Variants in ADD3 observed in about 807,000 individuals in gnomAD.
The protein encoded by ADD3 is adducin 3.
Under a neutral mutation model 80.2 loss-of-function variants are expected in ADD3, and 25 were observed. The ratio of observed to expected loss-of-function variants is 0.31; its 90% CI spans 0.23 to 0.44. The LOEUF is 0.44. Among genes scored for constraint, ADD3 ranks in the 20% least tolerant of loss-of-function variants. The probability of loss-of-function intolerance (pLI) is 1.00; values close to 1 mark genes in which losing one functional copy is unlikely to be tolerated. For synonymous variants in ADD3, 284 were observed against 289.6 expected, an observed-to-expected ratio of 0.98 and a Z score of 0.20; for missense variants, 829 against 847.5, an observed-to-expected ratio of 0.98 and a Z score of 0.27.
At chr10:110,090,357 C>T (rs1191993383) in intron 1 of ADD3, among the ~76,000 whole-genome samples, 1 of 151,728 alleles carries the variant, frequency 6.6e-6, no homozygotes, top group African/African-American at 2.4e-5. Flanking sequence ...GTAGCTAGGA[C>T]TATAGGCATG....
At chr10:110,087,525 A>T (rs1846937683) in intron 1 of ADD3, among the ~76,000 whole-genome samples, 2 of 152,174 alleles carry the variant, frequency 1.3e-5, no homozygotes, top group Admixed American at 6.5e-5. Flanking sequence ...CTGATGTGAC[A>T]AGAATGTTCA....
chr10:110,080,283 A>G (rs1845924065), intron 1 of ADD3, among the ~76,000 whole-genome samples: 1 of 152,156 alleles, frequency 6.6e-6, no homozygotes, highest in African/African-American at 2.4e-5. Context: ...ACCATCTATA[A>G]AATAAGAGAT....
At chr10:110,102,879 G>A (rs1848985563) in intron 2 of ADD3, among the ~76,000 whole-genome samples, 1 of 152,106 alleles carries the variant, frequency 6.6e-6, no homozygotes, top group South Asian at 2.1e-4. Flanking sequence ...TTTGTATTTA[G>A]TATTTCTATT....
At chr10:110,115,400 A>T (rs1196432637) in intron 3 of ADD3, among the ~76,000 whole-genome samples, 1 of 151,786 alleles carries the variant, frequency 6.6e-6, no homozygotes, top group East Asian at 1.9e-4. Context: ...AAAAAAAAAC[A>T]AAACAAGCAG....
chr10:110,133,620 TAA>T lies in ADD3; in HGVS notation c.*4_*5del, dbSNP rs1853349860. The T allele has an allele frequency of 6.4e-7, 1 of 1,562,090 alleles. No individual in the cohort carries two copies. The highest frequency in any genetic ancestry group is 1.4e-5 in the African/African-American group (1 of 72,522). On this transcript the variant is annotated 3_prime_UTR_variant, in exon 15 of 15. Transcript: ENST00000356080. ...AAAAAGGAGAAAGTTGAGGCCTAAA[TAA>T]AGTCTTTTTATAATTATTATTATAA... is the stretch of plus-strand genomic sequence containing the variant.
At chr10:110,029,169 G>A (rs1043008496) in intron 1 of ADD3, among the ~76,000 whole-genome samples, 4 of 152,280 alleles carry the variant, frequency 2.6e-5, no homozygotes, top group Non-Finnish European at 5.9e-5. Context: ...GTGAGCCACC[G>A]TGCCTGGCTC....
chr10:110,055,594 A>G (rs1272890968), intron 1 of ADD3, among the ~76,000 whole-genome samples: 5 of 152,208 alleles, frequency 3.3e-5, no homozygotes, highest in South Asian at 2.1e-4. Flanking sequence ...TGGATAAAGT[A>G]TAAGTGAGTA....
At chr10:110,073,183 C>T (rs1844982419) in intron 1 of ADD3, among the ~76,000 whole-genome samples, 1 of 139,518 alleles carries the variant, frequency 7.2e-6, no homozygotes, top group South Asian at 2.3e-4. Flanking sequence ...AGCTCTGTCA[C>T]CCAGGCTGGA....
Position 110,077,424 on chromosome 10 carries a change from A to G in ADD3, c.-29-23201A>G, listed in dbSNP as rs190596419. Reference sequence around the variant, plus strand: ...AATGTGCTAGTTATTTAACTTGAAAATGCTTGAAGCAGTGTTTTGTACTGA... The same window carrying G: ...AATGTGCTAGTTATTTAACTTGAAAGTGCTTGAAGCAGTGTTTTGTACTGA... On this transcript the variant is annotated intron_variant, in intron 1 of 14. Coordinates refer to ENST00000356080, the MANE Select transcript of ADD3 (RefSeq NM_016824.5). Among the ~76,000 whole-genome samples the G allele has an allele frequency of 5.9e-4, 90 of 152,270 alleles. 1 individual carries two copies. The highest frequency in any genetic ancestry group is 2.1e-3 in the African/African-American group (86 of 41,552).
intron 2 of ADD3, among the ~76,000 whole-genome samples, chr10:110,104,454 G>C (rs768550069): frequency 6.6e-6 from 1 of 152,056 alleles, no homozygotes; most frequent in Non-Finnish European, 1.5e-5. Flanking sequence ...TTTTCCTTTT[G>C]TACTGTCTTT....
At chr10:110,059,735 T>G (rs1402365608) in intron 1 of ADD3, among the ~76,000 whole-genome samples, 1 of 151,502 alleles carries the variant, frequency 6.6e-6, no homozygotes, top group Non-Finnish European at 1.5e-5. Context: ...TGCCACTGCA[T>G]TCCAGCCTGG....
chr10:110,095,508 T>G (rs1376628439), intron 1 of ADD3, among the ~76,000 whole-genome samples: 1 of 152,234 alleles, frequency 6.6e-6, no homozygotes, highest in Admixed American at 6.5e-5. Flanking sequence ...TACAATGTTT[T>G]CAAGGTTCAT....
At chr10:110,007,324 A>C (rs1213239363), upstream of ADD3, among the ~76,000 whole-genome samples, 1 of 152,092 alleles carries the variant, frequency 6.6e-6, no homozygotes, top group South Asian at 2.1e-4. Context: ...GGTTGTGGGG[A>C]CTAGGCGCCC....
At chr10:110,125,783 T>G in intron 10 of ADD3, 43 bp from the exon 11 acceptor site, 1 of 1,488,216 alleles carries the variant, frequency 6.7e-7, no homozygotes, top group Admixed American at 1.9e-5. Context: ...ACTAATATTT[T>G]CTTAACACAA....
intron 13 of ADD3, 92 bp downstream of exon 13, chr10:110,130,578 G>A (rs996662277): frequency 2.3e-5 from 32 of 1,381,332 alleles, no homozygotes; most frequent in Non-Finnish European, 2.9e-5. Flanking sequence ...CAGTGTGGCC[G>A]GGCACAATGG....
intron 2 of ADD3, among the ~76,000 whole-genome samples, chr10:110,108,869 G>GA (rs1223219496): frequency 6.6e-6 from 1 of 151,880 alleles, no homozygotes; most frequent in Non-Finnish European, 1.5e-5. Flanking sequence ...CATATACTTT[G>GA]AAAAAAAATT....
At chr10:110,105,250 T>C (rs1311124984) in intron 2 of ADD3, among the ~76,000 whole-genome samples, 2 of 152,176 alleles carry the variant, frequency 1.3e-5, no homozygotes, top group African/African-American at 4.8e-5. Context: ...TGGCTTGAGA[T>C]TTTGTTGCAG....
At chr10:110,021,491 A>G (rs1160548913) in intron 1 of ADD3, among the ~76,000 whole-genome samples, 2 of 152,258 alleles carry the variant, frequency 1.3e-5, no homozygotes, top group Admixed American at 1.3e-4. Context: ...TAAATGGATA[A>G]ACAAATGCGG....
At chr10:110,087,898 A>G (rs969675524) in intron 1 of ADD3, among the ~76,000 whole-genome samples, 1 of 152,216 alleles carries the variant, frequency 6.6e-6, no homozygotes, top group African/African-American at 2.4e-5. Context: ...TCCAAAATCA[A>G]GGTGTTGGCA....
Sources: allele counts gnomAD v4.1 joint callset (sites outside exome capture counted in the v4.1 genomes callset), GRCh38; gene constraint gnomAD v4.1.1; transcripts MANE v1.5; gene names NCBI Gene and HGNC (gene_info 2026-07-23, HGNC 2026-07-21).